Variants in CCDC102B observed in about 807,000 individuals in gnomAD.
CCDC102B encodes the protein coiled-coil domain-containing protein 102B.
In CCDC102B, 75 loss-of-function variants were observed where a neutral mutation model predicts 57.4. The ratio of observed to expected loss-of-function variants is 1.31; its 90% CI spans 1.08 to 1.58. The LOEUF is 1.58. Among genes scored for constraint, CCDC102B ranks in the 40% most tolerant of loss-of-function variants. The pLI is 0.00. For synonymous variants in CCDC102B, 206 were observed against 201.9 expected, an observed-to-expected ratio of 1.02 and a Z score of -0.17; for missense variants, 636 against 582.6, an observed-to-expected ratio of 1.09 and a Z score of -0.94.
intron 2 of CCDC102B, chr18:68,721,599 T>C (rs368949949): frequency 7.2e-5 from 11 of 152,246 alleles, no homozygotes; most frequent in African/African-American, 2.6e-4. Flanking sequence ...TATTTAGAAA[T>C]AGAAAGGGAA....
intron 2 of CCDC102B, among the ~76,000 whole-genome samples, chr18:68,782,603 G>A (rs1006938375): frequency 2.0e-5 from 3 of 152,080 alleles, no homozygotes; most frequent in Non-Finnish European, 4.4e-5. Context: ...TGGATCAGGG[G>A]TGCATTACCC....
At chr18:68,857,836 C>A (rs4891706) in intron 4 of CCDC102B, among the ~76,000 whole-genome samples, 3,251 of 152,224 alleles carry the variant, frequency 0.021, 69 homozygotes, top group Admixed American at 0.067. Context: ...TGCACATTAT[C>A]CTTTTTTCCA....
At chr18:68,951,570 G>A (rs1237478902) in intron 6 of CCDC102B, among the ~76,000 whole-genome samples, 2 of 152,096 alleles carry the variant, frequency 1.3e-5, no homozygotes, top group South Asian at 2.1e-4. Flanking sequence ...TACTTTGGGA[G>A]GCTGAGGCTA....
intron 7 of CCDC102B, among the ~76,000 whole-genome samples, chr18:69,045,145 A>G (rs73453792): frequency 0.02 from 3,096 of 152,120 alleles, 102 homozygotes; most frequent in African/African-American, 0.07. Context: ...TCACATTAGG[A>G]TTTAATGCTT....
intron 4 of CCDC102B, among the ~76,000 whole-genome samples, chr18:68,868,341 G>C (rs2039093762): frequency 6.6e-6 from 1 of 151,848 alleles, no homozygotes; most frequent in Non-Finnish European, 1.5e-5. Flanking sequence ...GTTTGTTAAA[G>C]CTAAACATAA....
intron 2 of CCDC102B, among the ~76,000 whole-genome samples, chr18:68,837,813 T>C (rs1205726197): frequency 1.3e-5 from 2 of 152,148 alleles, no homozygotes; most frequent in Non-Finnish European, 1.5e-5. Flanking sequence ...AAGAAAGATA[T>C]GTATATGTAT....
chr18:69,050,979 G>A (rs1037361123), intron 7 of CCDC102B, among the ~76,000 whole-genome samples: 1 of 152,036 alleles, frequency 6.6e-6, no homozygotes, highest in Non-Finnish European at 1.5e-5. Context: ...TGAACTCCTG[G>A]GCCCAAGCCA....
chr18:69,040,429 T>A (rs1296937306), intron 7 of CCDC102B, among the ~76,000 whole-genome samples: 9 of 144,240 alleles, frequency 6.2e-5, no homozygotes, highest in African/African-American at 2.4e-4. Flanking sequence ...TATGTGTGTG[T>A]GTGTGAGATG....
At chr18:68,804,088 T>C (rs1348580614) in intron 1 of CCDC102B, among the ~76,000 whole-genome samples, 1 of 152,078 alleles carries the variant, frequency 6.6e-6, no homozygotes, top group Non-Finnish European at 1.5e-5. Context: ...GAAGGAGATA[T>C]TAGAGATGGA....
chr18:68,871,479 G>A (rs540307506), intron 4 of CCDC102B, among the ~76,000 whole-genome samples: 5 of 152,172 alleles, frequency 3.3e-5, no homozygotes, highest in Admixed American at 2.0e-4. Flanking sequence ...ACAAAATTAA[G>A]GTTATTTTGA....
intron 5 of CCDC102B, 30 bp from the exon 6 acceptor site, chr18:68,897,189 A>T (rs374543046): frequency 6.3e-7 from 1 of 1,577,266 alleles, no homozygotes; most frequent in African/African-American, 1.4e-5. Flanking sequence ...CAAATGCTGC[A>T]TGCTGCTTCT....
rs200947236 is a variant in CCDC102B at position 68,759,020 on chromosome 18, A to AAAAC, written c.-67+42442_-67+42445dup. 4.3e-3 allele frequency among the ~76,000 whole-genome samples: 651 copies of AAAAC among 151,978 alleles called. 18 individuals are homozygous for AAAAC. The East Asian group carries it at 0.077, about 18-fold the overall frequency. Reference sequence around the variant, plus strand: ...ATGCCACCCCTACCTAAAAAAAACAAAAACAAACAAACAAACAAAAAAACA... The same window carrying AAAAC: ...ATGCCACCCCTACCTAAAAAAAACAAAAACAAACAAACAAACAAACAAAAAAACA... On this transcript the variant is annotated intron_variant, in intron 2 of 3. Transcript: ENST00000578970.
At chr18:68,996,201 C>A (rs2051022994) in intron 6 of CCDC102B, among the ~76,000 whole-genome samples, 2 of 152,078 alleles carry the variant, frequency 1.3e-5, no homozygotes, top group South Asian at 4.1e-4. Flanking sequence ...TCTAAAAGAC[C>A]AGCTAGGATA....
intron 3 of CCDC102B, among the ~76,000 whole-genome samples, chr18:68,839,454 T>C (rs906405247): frequency 2.2e-4 from 34 of 152,322 alleles, no homozygotes; most frequent in African/African-American, 7.5e-4. Flanking sequence ...TTTGTGAAAA[T>C]AGCTGTAGTG....
chr18:68,740,248 C>T (rs1337128475), intron 2 of CCDC102B, among the ~76,000 whole-genome samples: 1 of 152,168 alleles, frequency 6.6e-6, no homozygotes, highest in Non-Finnish European at 1.5e-5. Context: ...TTAAGAACCA[C>T]TTGTTATGTG....
intron 2 of CCDC102B, among the ~76,000 whole-genome samples, chr18:68,789,837 G>A (rs2035361217): frequency 6.6e-6 from 1 of 151,400 alleles, no homozygotes; most frequent in Non-Finnish European, 1.5e-5. Flanking sequence ...GCTCGTCAAA[G>A]TCATTCTCCG....
intron 2 of CCDC102B, among the ~76,000 whole-genome samples, chr18:68,736,641 T>C (rs1379629329): frequency 6.6e-6 from 1 of 152,170 alleles, no homozygotes; most frequent in Admixed American, 6.5e-5. Flanking sequence ...CAGTTATTTA[T>C]AGGCCCTTTT....
intron 2 of CCDC102B, among the ~76,000 whole-genome samples, chr18:68,788,591 C>G (rs904198675): frequency 7.9e-4 from 119 of 150,008 alleles, no homozygotes; most frequent in Non-Finnish European, 1.1e-3. Flanking sequence ...TAATGGCCTT[C>G]TTTGTCTCTT....
At chr18:69,004,559 C>T (rs1051992071) in intron 6 of CCDC102B, among the ~76,000 whole-genome samples, 2 of 152,170 alleles carry the variant, frequency 1.3e-5, no homozygotes, top group African/African-American at 4.8e-5. Context: ...GAACGGGGAT[C>T]TCAGAGGCAC....
Sources: gnomAD v4.1 joint callset for allele counts (sites outside exome capture counted in the v4.1 genomes callset) on GRCh38, gnomAD v4.1.1 for gene constraint, MANE v1.5 for transcripts, NCBI Gene and HGNC (gene_info 2026-07-23, HGNC 2026-07-21) for gene names.